The following AP1AR variants were observed in gnomAD, a reference collection of about 807,000 sequenced individuals.
AP1AR encodes the protein adaptor related protein complex 1 associated regulatory protein.
Under a neutral mutation model 46.3 loss-of-function variants are expected in AP1AR, and 29 were observed. The observed-to-expected ratio is 0.63, with a 90% CI of 0.47 to 0.85. AP1AR has a LOEUF of 0.85. Ranked by LOEUF, AP1AR falls within the 40% of genes least tolerant of loss-of-function variation. The pLI is 0.00. For synonymous variants in AP1AR, 122 were observed against 122.9 expected (o/e 0.99, Z 0.05); for missense variants, 357 against 356.3 (o/e 1.00, Z -0.02).
intron 1 of AP1AR, among the ~76,000 whole-genome samples, chr4:112,236,716 T>TTTTTTC (rs1436411408): frequency 1.1e-4 from 16 of 152,128 alleles, no homozygotes; most frequent in African/African-American, 3.6e-4. Context: ...TTTAAAAGTC[T>TTTTTTC]TTTTTCCTTC....
intron 1 of AP1AR, among the ~76,000 whole-genome samples, chr4:112,234,085 T>C (rs2110461723): frequency 6.6e-6 from 1 of 152,324 alleles, no homozygotes; most frequent in African/African-American, 2.4e-5. Flanking sequence ...GGTCTTGATC[T>C]CCTGACCTCA....
intron 4 of AP1AR, among the ~76,000 whole-genome samples, chr4:112,259,309 A>G (rs891900342): frequency 1.3e-5 from 2 of 152,208 alleles, no homozygotes; most frequent in Admixed American, 6.5e-5. Flanking sequence ...AGAGAAGAAC[A>G]GTAGTTAAGA....
At position 112,271,275 on chromosome 4, in the gene AP1AR, TCC is replaced by T. The variant is rs1037238487; in HGVS notation, c.*2868_*2869del. 4.6e-5 allele frequency among the ~76,000 whole-genome samples: 7 copies of T among 152,202 alleles called. No individual in the cohort carries two copies. Among genetic ancestry groups the T allele is most frequent in the African/African-American group, 1.2e-4 (5 of 41,454 alleles). ...AGGGCCATTTATCTTGCAAAATACC[TCC>T]CTGTCTTGCAAAAGGCTGCCGTGAG... On this transcript the variant is annotated 3_prime_UTR_variant, in exon 10 of 10. Transcript: ENST00000274000.
intron 1 of AP1AR, among the ~76,000 whole-genome samples, chr4:112,246,604 A>G (rs1320228975): frequency 6.6e-6 from 1 of 152,238 alleles, no homozygotes; most frequent in East Asian, 1.9e-4. Context: ...TCAGGTGAGA[A>G]AACCAAGGTA....
intron 1 of AP1AR, among the ~76,000 whole-genome samples, chr4:112,235,155 GTC>G (rs1311759030): frequency 6.6e-6 from 1 of 152,162 alleles, no homozygotes; most frequent in Non-Finnish European, 1.5e-5. Flanking sequence ...ATCCTAATGA[GTC>G]ATACTTCTTC....
At chr4:112,238,748 T>C (rs1400028579) in intron 1 of AP1AR, among the ~76,000 whole-genome samples, 1 of 152,238 alleles carries the variant, frequency 6.6e-6, no homozygotes, top group African/African-American at 2.4e-5. Flanking sequence ...CTACTACTTA[T>C]ATGCTAATAA....
intron 1 of AP1AR, among the ~76,000 whole-genome samples, chr4:112,241,655 T>C (rs1336985951): frequency 6.6e-6 from 1 of 152,234 alleles, no homozygotes; most frequent in Non-Finnish European, 1.5e-5. Flanking sequence ...CCAGATATAA[T>C]GTTTAGCCAG....
At chr4:112,260,743 C>T (rs1452309011) in intron 4 of AP1AR, 23 bp from the exon 5 acceptor site, 6 of 1,479,382 alleles carry the variant, frequency 4.1e-6, no homozygotes, top group Admixed American at 4.4e-5. Flanking sequence ...TTTTCTTTTT[C>T]TCCTCCTCCT....
intron 4 of AP1AR, 80 bp from the exon 5 acceptor site, chr4:112,260,686 C>T: frequency 1.1e-6 from 1 of 872,352 alleles, no homozygotes. Context: ...ATTTCACTGG[C>T]TTTTTGAGTG....
chr4:112,241,039 T>G (rs111368404), intron 1 of AP1AR, among the ~76,000 whole-genome samples: 10 of 152,328 alleles, frequency 6.6e-5, no homozygotes, highest in South Asian at 2.1e-4. Context: ...AGGTCCCTTC[T>G]CATTATTAGT....
chr4:112,235,353 A>G (rs1331489387), intron 1 of AP1AR, among the ~76,000 whole-genome samples: 1 of 152,170 alleles, frequency 6.6e-6, no homozygotes, highest in East Asian at 1.9e-4. Flanking sequence ...TAGTGATTCC[A>G]CTTAAGATAA....
chr4:112,237,805 A>T (rs1441935952), intron 1 of AP1AR, among the ~76,000 whole-genome samples: 1 of 151,948 alleles, frequency 6.6e-6, no homozygotes, highest in Admixed American at 6.6e-5. Flanking sequence ...GCTTTCACTT[A>T]CCTTTACCTT....
intron 2 of AP1AR, 108 bp from the exon 3 acceptor site, chr4:112,254,639 C>A: frequency 1.7e-6 from 1 of 598,834 alleles, no homozygotes; most frequent in Non-Finnish European, 2.8e-6. Flanking sequence ...AAATAGCTTA[C>A]AAATATAAAG....
chr4:112,232,754 C>G (rs1246108265), intron 1 of AP1AR, among the ~76,000 whole-genome samples: 1 of 152,188 alleles, frequency 6.6e-6, no homozygotes, highest in Admixed American at 6.5e-5. Flanking sequence ...GTGCTCATAA[C>G]TACAGGGACA....
In AP1AR at chr4:112,231,924, C is replaced by A; in HGVS notation, c.-168C>A. 2.1e-6 allele frequency: 1 copy of A among 478,942 alleles called. No individual in the cohort carries two copies. The highest frequency in any genetic ancestry group is 3.4e-6 in the Non-Finnish European group (1 of 292,900). 29.7% of individuals were successfully genotyped at this position (478,942 alleles called of 1,614,324 possible). On this transcript the variant is annotated 5_prime_UTR_variant, in exon 1 of 10. Transcript: ENST00000274000. ...AGTAAACACTGCCTTTGTTCCCTAGCGCCTCGTCTTTCGTCGCCCCGTGCC... is the reference window on the plus strand; with the variant it reads ...AGTAAACACTGCCTTTGTTCCCTAGAGCCTCGTCTTTCGTCGCCCCGTGCC...
chr4:112,245,903 T>C lies in AP1AR; in HGVS notation c.84-7305T>C, dbSNP rs116791895. Among the ~76,000 whole-genome samples the C allele has an allele frequency of 7.1e-3, 1,083 of 152,292 alleles. 15 individuals carry two copies. The highest frequency in any genetic ancestry group is 0.025 in the African/African-American group (1,026 of 41,548). On this transcript the variant is annotated intron_variant, in intron 1 of 9. Transcript: ENST00000274000. Reference sequence around the variant, plus strand: ...AAACTAACAGTAATTGAGAGTCAGCTTTTGTAATAGATATTGCTGCTTTTG... The same window carrying C: ...AAACTAACAGTAATTGAGAGTCAGCCTTTGTAATAGATATTGCTGCTTTTG...
In AP1AR at chr4:112,272,387, A is replaced by G. The variant is rs1272373307; in HGVS notation, c.*3978A>G. On this transcript the variant is annotated 3_prime_UTR_variant, in exon 10 of 10. Transcript: ENST00000274000. Reference sequence around the variant, plus strand: ...TTGGCCTTCCTCTGGGGGCATGACCAGACATGCGCAGTAAGGGGCAAAATG... The same window carrying G: ...TTGGCCTTCCTCTGGGGGCATGACCGGACATGCGCAGTAAGGGGCAAAATG... Among the ~76,000 whole-genome samples, 1 of 152,146 alleles carries G rather than the reference A, an allele frequency of 6.6e-6. No individual in the cohort carries two copies. Among genetic ancestry groups the G allele is most frequent in the African/African-American group, 2.4e-5 (1 of 41,440 alleles).
At chr4:112,240,123 G>A (rs575141446) in intron 1 of AP1AR, among the ~76,000 whole-genome samples, 1 of 152,280 alleles carries the variant, frequency 6.6e-6, no homozygotes, top group East Asian at 1.9e-4. Context: ...AAACTTGTAG[G>A]ATAAAGACTG....
intron 2 of AP1AR, 41 bp from the exon 3 acceptor site, chr4:112,254,706 G>A (rs1381821439): frequency 1.7e-5 from 23 of 1,374,460 alleles, no homozygotes; most frequent in Non-Finnish European, 2.2e-5. Context: ...GTATACCTAA[G>A]ACAAATATTC....
Sources: gnomAD v4.1 joint callset for allele counts (sites outside exome capture counted in the v4.1 genomes callset) on GRCh38, gnomAD v4.1.1 for gene constraint, MANE v1.5 for transcripts, NCBI Gene and HGNC (gene_info 2026-07-23, HGNC 2026-07-21) for gene names.